ADCYAP1R1: variants seen among roughly 807,000 people sequenced by gnomAD.
ADCYAP1R1 encodes the protein ADCYAP receptor type I.
In ADCYAP1R1, 44 loss-of-function variants were observed where a neutral mutation model predicts 67.6. That is an observed-to-expected ratio of 0.65 (90% CI 0.51 to 0.84). The LOEUF is 0.84. Ranked by LOEUF, ADCYAP1R1 falls within the 40% of genes least tolerant of loss-of-function variation. ADCYAP1R1 has a pLI of 0.00. For synonymous variants in ADCYAP1R1, 222 were observed against 219.6 expected, an observed-to-expected ratio of 1.01 and a Z score of -0.10; for missense variants, 477 against 587.9, an observed-to-expected ratio of 0.81 and a Z score of 1.95.
intron 12 of ADCYAP1R1, among the ~76,000 whole-genome samples, chr7:31,091,407 T>C (rs184731412): frequency 1.3e-5 from 2 of 152,328 alleles, no homozygotes; most frequent in Admixed American, 1.3e-4. Flanking sequence ...TGTGAAGTTC[T>C]TTAGTTTAAT....
At chr7:31,056,740 G>C (rs1442163007) in intron 1 of ADCYAP1R1, among the ~76,000 whole-genome samples, 1 of 152,160 alleles carries the variant, frequency 6.6e-6, no homozygotes, top group Non-Finnish European at 1.5e-5. Flanking sequence ...TTTTCTAAAT[G>C]AGAAGCTGAT....
In ADCYAP1R1 at chr7:31,092,626, T is replaced by C. The variant is rs766155014; in HGVS notation, c.955-18T>C. The C allele has an allele frequency of 6.3e-6, 10 of 1,599,174 alleles. No homozygotes were observed. The highest frequency in any genetic ancestry group is 7.7e-6 in the Non-Finnish European group (9 of 1,173,986). On this transcript the variant is annotated intron_variant, in intron 12 of 15. Transcript: ENST00000304166. ...CCCAGAATCATGTCCATCTGCTTTT[T>C]TTTTTTTTGCTCCTTAGGTTAACTT...
Position 31,106,959 on chromosome 7 carries a change from C to T in ADCYAP1R1, c.*275C>T. The T allele has an allele frequency of 2.3e-6, 1 of 426,786 alleles. No homozygotes were observed. Among genetic ancestry groups the T allele is most frequent in the East Asian group, 4.3e-5 (1 of 23,484 alleles). The allele number at this position is 426,786 out of a possible 1,614,324, so 26.4% of individuals were successfully genotyped here. ...GTTGTCCCATCCCTTCCCCCTTTGC[C>T]CCAGTGTCCCTGCTCACTTCCAGTC... On this transcript the variant is annotated 3_prime_UTR_variant, in exon 16 of 16. Coordinates refer to ENST00000304166, the MANE Select transcript of ADCYAP1R1 (RefSeq NM_001118.5).
At chr7:31,077,330 T>A (rs1327957970) in intron 3 of ADCYAP1R1, among the ~76,000 whole-genome samples, 4 of 150,942 alleles carry the variant, frequency 2.7e-5, no homozygotes, top group African/African-American at 9.8e-5. Context: ...TACATGTGTA[T>A]GGTGTGTGTG....
At chr7:31,066,022 G>T (rs1794721856) in intron 3 of ADCYAP1R1, among the ~76,000 whole-genome samples, 1 of 152,172 alleles carries the variant, frequency 6.6e-6, no homozygotes, top group African/African-American at 2.4e-5. Context: ...CTCTTGCTCA[G>T]CCCTAACCAA....
At chr7:31,106,020 T>C (rs1333465156) in intron 15 of ADCYAP1R1, among the ~76,000 whole-genome samples, 4 of 152,192 alleles carry the variant, frequency 2.6e-5, no homozygotes, top group East Asian at 3.9e-4. Flanking sequence ...TTAAAAAATA[T>C]GATGTCTGGG....
chr7:31,059,086 T>C (rs1239563471), intron 1 of ADCYAP1R1, among the ~76,000 whole-genome samples: 1 of 152,164 alleles, frequency 6.6e-6, no homozygotes, highest in Non-Finnish European at 1.5e-5. Context: ...CCCATTTTGA[T>C]TGTGACACGG....
intron 3 of ADCYAP1R1, among the ~76,000 whole-genome samples, chr7:31,065,630 C>T (rs1034228742): frequency 6.6e-6 from 1 of 152,216 alleles, no homozygotes. Context: ...CATCGAACCC[C>T]TCTCCTAACT....
intron 3 of ADCYAP1R1, among the ~76,000 whole-genome samples, chr7:31,071,054 AC>A (rs1207094270): frequency 1.3e-5 from 2 of 152,168 alleles, no homozygotes; most frequent in African/African-American, 4.8e-5. Flanking sequence ...TAAAATGGGG[AC>A]CTTGTTCTAA....
At position 31,057,724 on chromosome 7, in the gene ADCYAP1R1, G is replaced by A. The variant is rs377154132; in HGVS notation, c.-72+5046G>A. Among the ~76,000 whole-genome samples the A allele has an allele frequency of 2.6e-5, 4 of 152,332 alleles. No individual in the cohort carries two copies. The East Asian group carries it at 7.7e-4, about 29-fold the overall frequency. On this transcript the variant is annotated intron_variant, in intron 1 of 15. Coordinates refer to ENST00000304166, the MANE Select transcript of ADCYAP1R1 (RefSeq NM_001118.5). ...CTCCCTTTGAGGGGTGAGTGGGAGG[G>A]GGGCAGTGTTTCATCTTTCAGCCTT...
chr7:31,055,175 T>C (rs1309059353), intron 1 of ADCYAP1R1, among the ~76,000 whole-genome samples: 1 of 151,884 alleles, frequency 6.6e-6, no homozygotes, highest in African/African-American at 2.4e-5. Context: ...TGGGGCACAA[T>C]AGTGACAAGC....
chr7:31,087,955 G>A (rs1201579795), intron 12 of ADCYAP1R1, among the ~76,000 whole-genome samples: 1 of 152,154 alleles, frequency 6.6e-6, no homozygotes, highest in African/African-American at 2.4e-5. Context: ...TATTTCTTTA[G>A]AATAAATCCT....
chr7:31,063,099 T>G, intron 1 of ADCYAP1R1, 95 bp from the exon 2 acceptor site: 1 of 706,112 alleles, frequency 1.4e-6, no homozygotes. Context: ...CTGAGAGCCG[T>G]GCTGCAGGGA....
chr7:31,073,014 C>T (rs1183423102), intron 3 of ADCYAP1R1, among the ~76,000 whole-genome samples: 1 of 152,218 alleles, frequency 6.6e-6, no homozygotes, highest in Non-Finnish European at 1.5e-5. Context: ...TCCCCTAGAA[C>T]CTCCAGATGA....
intron 1 of ADCYAP1R1, among the ~76,000 whole-genome samples, chr7:31,059,657 T>C (rs1208013940): frequency 6.6e-6 from 1 of 151,770 alleles, no homozygotes; most frequent in African/African-American, 2.4e-5. Context: ...GGCCAGCAAG[T>C]GAGGGGAGGC....
At chr7:31,063,691 A>G (rs76358520) in intron 2 of ADCYAP1R1, among the ~76,000 whole-genome samples, 6,006 of 152,156 alleles carry the variant, frequency 0.039, 394 homozygotes, top group African/African-American at 0.13. Context: ...CCCCCTGCTC[A>G]GGTCTCTCCC....
At chr7:31,054,705 G>A (rs148812236) in intron 1 of ADCYAP1R1, among the ~76,000 whole-genome samples, 9 of 152,234 alleles carry the variant, frequency 5.9e-5, no homozygotes, top group African/African-American at 1.9e-4. Flanking sequence ...AGGACATCTT[G>A]TGCTGTCTGC....
rs191892766 is a variant in ADCYAP1R1, at chr7:31,062,580, G to A, written c.-71-614G>A. Among the ~76,000 whole-genome samples the A allele has an allele frequency of 6.6e-5, 10 of 152,326 alleles. No individual in the cohort carries two copies. The South Asian group carries it at 1.2e-3, about 19-fold the overall frequency. Reference sequence around the variant, plus strand: ...GGCAGGCTGGGTGGCTGGGCTCCACGAGGTTGCTTGGCGATCCTGCCTCCT... The same window carrying A: ...GGCAGGCTGGGTGGCTGGGCTCCACAAGGTTGCTTGGCGATCCTGCCTCCT... On this transcript the variant is annotated intron_variant, in intron 1 of 15. Transcript: ENST00000304166.
At position 31,110,242 on chromosome 7, in the gene ADCYAP1R1, A is replaced by G. The variant is rs1039340774; in HGVS notation, c.*3558A>G. Reference sequence around the variant, plus strand: ...TTATCATTTAGTATTATCATAAAGTATTAATACTTTGTCATAAAGTCCTCC... The same window carrying G: ...TTATCATTTAGTATTATCATAAAGTGTTAATACTTTGTCATAAAGTCCTCC... On this transcript the variant is annotated 3_prime_UTR_variant, in exon 16 of 16. Transcript: ENST00000304166. 4 of 151,526 alleles carry G rather than the reference A, an allele frequency of 2.6e-5. 1 individual carries two copies. The highest frequency in any genetic ancestry group is 2.0e-4 in the Admixed American group (3 of 15,172). 9.4% of individuals were successfully genotyped at this position (151,526 alleles called of 1,614,324 possible). A position where few individuals can be genotyped will look rare whatever the true frequency, so the allele number is the denominator to read the frequency against.
Sources: gnomAD v4.1 joint callset for allele counts (sites outside exome capture counted in the v4.1 genomes callset) on GRCh38, gnomAD v4.1.1 for gene constraint, MANE v1.5 for transcripts, NCBI Gene and HGNC (gene_info 2026-07-23, HGNC 2026-07-21) for gene names.